The following APLP2 variants were observed in gnomAD, a reference collection of about 807,000 sequenced individuals.
APLP2 encodes CDEI box-binding protein.
APLP2 carries 53 observed loss-of-function variants against 89.9 expected under a neutral mutation model. The ratio of observed to expected loss-of-function variants is 0.59; its 90% CI spans 0.47 to 0.74. APLP2 has a LOEUF of 0.74. APLP2 is among the 30% of genes least tolerant of loss of function. The pLI, the probability that APLP2 is intolerant of heterozygous loss-of-function variation, is 0.00. For missense variants in APLP2, 973 were observed against 975.9 expected, an observed-to-expected ratio of 1.00 and a Z score of 0.04; for synonymous variants, 372 against 348.6, an observed-to-expected ratio of 1.07 and a Z score of -0.75.
At chr11:130,091,742 G>A (rs1591780544) in intron 1 of APLP2, among the ~76,000 whole-genome samples, 3 of 145,380 alleles carry the variant, frequency 2.1e-5, no homozygotes, top group Non-Finnish European at 4.5e-5. Flanking sequence ...CCTCCCTCCC[G>A]GACGGCACGG....
At chr11:130,112,835 A>G (rs1226518450) in intron 3 of APLP2, among the ~76,000 whole-genome samples, 1 of 152,074 alleles carries the variant, frequency 6.6e-6, no homozygotes, top group African/African-American at 2.4e-5. Context: ...GCCCTTGCTC[A>G]ACTCTCCCCT....
rs1952683533 is a variant in APLP2, at chr11:130,143,687, A to T, written c.*239A>T. On this transcript the variant is annotated 3_prime_UTR_variant, in exon 17 of 17. Transcript: ENST00000338167. ...AAACCTTAAATGAAAAAAATGATCTATTGCAGATATTTGATGTAGTTTTCT... is the reference window on the plus strand; with the variant it reads ...AAACCTTAAATGAAAAAAATGATCTTTTGCAGATATTTGATGTAGTTTTCT... The T allele has an allele frequency of 2.4e-6, 1 of 410,990 alleles. No homozygotes were observed. Among genetic ancestry groups the T allele is most frequent in the African/African-American group, 2.0e-5 (1 of 50,004 alleles). The allele number at this position is 410,990 out of a possible 1,614,324, so 25.5% of individuals were successfully genotyped here.
intron 1 of APLP2, among the ~76,000 whole-genome samples, chr11:130,089,745 C>A (rs928800180): frequency 6.6e-6 from 1 of 152,248 alleles, no homozygotes; most frequent in Non-Finnish European, 1.5e-5. Context: ...TCTGAAGGCA[C>A]TAACAAAGGG....
rs371530776 is a variant in APLP2 at position 130,135,727 on chromosome 11, C to T, written c.1837+12C>T. 21 of 1,612,986 alleles carry T rather than the reference C, an allele frequency of 1.3e-5. No individual in the cohort carries two copies. Among genetic ancestry groups the T allele is most frequent in the African/African-American group, 2.7e-5 (2 of 74,970 alleles). On this transcript the variant is annotated intron_variant, in intron 13 of 16. Coordinates refer to ENST00000338167, the MANE Select transcript of APLP2 (RefSeq NM_001142276.2). ...ACCTGAGAACGAAGGTGTGTATGGGCGACGGTGCCACTTCTGGGCAGCAGG... is the reference window on the plus strand; with the variant it reads ...ACCTGAGAACGAAGGTGTGTATGGGTGACGGTGCCACTTCTGGGCAGCAGG...
chr11:130,100,731 A>G (rs1464543946), intron 1 of APLP2, among the ~76,000 whole-genome samples: 1 of 152,242 alleles, frequency 6.6e-6, no homozygotes, highest in African/African-American at 2.4e-5. Context: ...GTCTGTGAAA[A>G]TAATACCTAA....
intron 1 of APLP2, among the ~76,000 whole-genome samples, chr11:130,088,154 A>T (rs899618368): frequency 6.6e-6 from 1 of 152,182 alleles, no homozygotes; most frequent in South Asian, 2.1e-4. Context: ...GATGGCCCCA[A>T]AATTACCCCA....
chr11:130,085,461 A>ACC (rs1565554990), intron 1 of APLP2, among the ~76,000 whole-genome samples: 2 of 150,532 alleles, frequency 1.3e-5, no homozygotes, highest in African/African-American at 2.5e-5. Context: ...CAAAAAAAAA[A>ACC]CCAAAAAACA....
intron 14 of APLP2, 135 bp downstream of exon 14, chr11:130,140,618 CGG>C: frequency 8.8e-6 from 5 of 567,036 alleles, no homozygotes; most frequent in Non-Finnish European, 1.5e-5. Context: ...AGGGCTCCAA[CGG>C]CTCCCACAGA....
At chr11:130,103,386 T>A (rs10894177) in intron 1 of APLP2, among the ~76,000 whole-genome samples, 15,357 of 152,170 alleles carry the variant, frequency 0.1, 1,180 homozygotes, top group African/African-American at 0.21. Context: ...GCTGTCTGGA[T>A]TGATTCCAGT....
Position 130,127,793 on chromosome 11 carries a change from C to CT in APLP2, c.1251dup (p.Gln418SerfsTer3). ...AAAGAAGGAATGGGAAGAGGCAGAG[C>CT]TTCAAGCTAAGAACCTCCCCAAAGC... On this transcript the variant is annotated frameshift_variant, in exon 9 of 17. Transcript: ENST00000338167. LOFTEE classifies it high-confidence loss of function. The CT allele has an allele frequency of 6.2e-7, 1 of 1,614,166 alleles. No individual in the cohort carries two copies. The highest frequency in any genetic ancestry group is 1.1e-5 in the South Asian group (1 of 91,080).
intron 3 of APLP2, among the ~76,000 whole-genome samples, chr11:130,118,095 A>C (rs1949412934): frequency 6.7e-6 from 1 of 149,330 alleles, no homozygotes; most frequent in Non-Finnish European, 1.5e-5. Context: ...AAAAAAAAAT[A>C]GTTGTTGTGT....
chr11:130,129,343 G>C, intron 10 of APLP2, 137 bp downstream of exon 10: 171 of 962,926 alleles, frequency 1.8e-4, no homozygotes, highest in Middle Eastern at 3.5e-4. Context: ...GATGAGGGAG[G>C]AAAAGGTATT....
At chr11:130,117,879 C>T (rs12282899) in intron 3 of APLP2, among the ~76,000 whole-genome samples, 28,800 of 151,916 alleles carry the variant, frequency 0.19, 4,049 homozygotes, top group African/African-American at 0.39. Flanking sequence ...TCGAGACCAT[C>T]CTGGCTAACA....
chr11:130,106,049 T>A (rs1947703705), intron 1 of APLP2, among the ~76,000 whole-genome samples: 1 of 152,202 alleles, frequency 6.6e-6, no homozygotes, highest in Non-Finnish European at 1.5e-5. Context: ...CTTGCTGTTG[T>A]AATGTTACTT....
At chr11:130,103,584 A>G (rs868243762) in intron 1 of APLP2, among the ~76,000 whole-genome samples, 1 of 152,128 alleles carries the variant, frequency 6.6e-6, no homozygotes, top group African/African-American at 2.4e-5. Context: ...TAAACTGAAC[A>G]TTTATACAGT....
chr11:130,091,748 C>G (rs551288670), intron 1 of APLP2, among the ~76,000 whole-genome samples: 4 of 140,026 alleles, frequency 2.9e-5, no homozygotes, highest in African/African-American at 1.1e-4. Context: ...TCCCGGACGG[C>G]ACGGCTGGCC....
intron 1 of APLP2, among the ~76,000 whole-genome samples, chr11:130,087,829 T>C (rs1446988392): frequency 2.0e-5 from 3 of 152,156 alleles, no homozygotes; most frequent in South Asian, 2.1e-4. Flanking sequence ...CCTCAGGATC[T>C]ACATTAAAAA....
Position 130,070,036 on chromosome 11 carries a change from T to C in APLP2, c.59T>C (p.Leu20Pro). The C allele has an allele frequency of 6.6e-7, 1 of 1,514,330 alleles. No individual in the cohort carries two copies. 93.8% of individuals were successfully genotyped at this position (1,514,330 alleles called of 1,614,324 possible). Residue 20 changes from leucine (L) to proline (P), a missense_variant, in exon 1 of 17, where the codon CTG becomes CCG. Coordinates refer to ENST00000338167, the MANE Select transcript of APLP2 (RefSeq NM_001142276.2). ...ACGGGCAGGCTCCTGCTTCTGCTGCTGGTGGGGCTCACGGCGCCTGCCTTG... is the reference window on the plus strand; with the variant it reads ...ACGGGCAGGCTCCTGCTTCTGCTGCCGGTGGGGCTCACGGCGCCTGCCTTG... ...AATGRLLLLLLVGLTAPALAL... is the reference protein window; with the variant it reads ...AATGRLLLLLPVGLTAPALAL...
chr11:130,136,005 G>A (rs1347749421), intron 13 of APLP2, among the ~76,000 whole-genome samples: 1 of 152,184 alleles, frequency 6.6e-6, no homozygotes, highest in Non-Finnish European at 1.5e-5. Context: ...CATGGGGGAG[G>A]CACTTGGCAG....
Sources: allele counts gnomAD v4.1 joint callset (sites outside exome capture counted in the v4.1 genomes callset), GRCh38; gene constraint gnomAD v4.1.1; transcripts MANE v1.5; gene names NCBI Gene and HGNC (gene_info 2026-07-23, HGNC 2026-07-21).